OSBP2: variants seen among roughly 807,000 people sequenced by gnomAD.
OSBP2 encodes the protein oxysterol binding protein 2.
Under a neutral mutation model 96.0 loss-of-function variants are expected in OSBP2, and 66 were observed. The observed-to-expected ratio is 0.69, with a 90% CI of 0.56 to 0.84. OSBP2 has a LOEUF of 0.84. OSBP2 is among the 40% of genes least tolerant of loss of function. The pLI, the probability that OSBP2 is intolerant of heterozygous loss-of-function variation, is 0.00. For synonymous variants in OSBP2, 525 were observed against 520.9 expected (o/e 1.01, Z -0.11); for missense variants, 1,038 against 1,222.7 (o/e 0.85, Z 2.25).
chr22:30,727,894 C>A (rs909306176), intron 1 of OSBP2, among the ~76,000 whole-genome samples: 1 of 151,730 alleles, frequency 6.6e-6, no homozygotes. Context: ...ATCACAAGGT[C>A]AAGAGATCAA....
Position 30,890,282 on chromosome 22 carries a change from G to GAGAT in OSBP2, c.1624-443_1624-440dup. On this transcript the variant is annotated intron_variant, in intron 7 of 13. Transcript: ENST00000332585. This position sits in a 1 kb window ranked among gnomAD's most constrained non-coding sequence, Gnocchi z 4.4. ...GAGTGACCCTGCCCTATGTGACACC[G>GAGAT]AGATAGGGGCCTTGGGCCTAACCCA... Among the ~76,000 whole-genome samples, 1 of 152,098 alleles carries GAGAT rather than the reference G, an allele frequency of 6.6e-6. No homozygotes were observed. The highest frequency in any genetic ancestry group is 2.4e-5 in the African/African-American group (1 of 41,406).
At chr22:30,889,384 A>G (rs957953227) in intron 6 of OSBP2, 106 bp from the exon 7 acceptor site, 2 of 1,458,952 alleles carry the variant, frequency 1.4e-6, no homozygotes, top group African/African-American at 1.4e-5. Flanking sequence ...GCAGCGTACC[A>G]GTGGCCGGCT....
At chr22:30,772,964 T>G (rs2145792863) in intron 2 of OSBP2, among the ~76,000 whole-genome samples, 1 of 151,596 alleles carries the variant, frequency 6.6e-6, no homozygotes, top group East Asian at 1.9e-4. Context: ...CGGCTAATTT[T>G]TGTATTTTTA....
chr22:30,894,864 A>G (rs934227500), intron 12 of OSBP2, among the ~76,000 whole-genome samples: 2 of 152,196 alleles, frequency 1.3e-5, no homozygotes, highest in South Asian at 4.1e-4. Context: ...GCCTAGAATT[A>G]TACACCCAGG....
intron 12 of OSBP2, among the ~76,000 whole-genome samples, chr22:30,895,493 C>T (rs2040043318): frequency 6.6e-6 from 1 of 152,116 alleles, no homozygotes; most frequent in Non-Finnish European, 1.5e-5. Flanking sequence ...AATTAGACAT[C>T]AGATTTTTCA....
At chr22:30,819,048 C>T (rs1389136669) in intron 2 of OSBP2, among the ~76,000 whole-genome samples, 1 of 152,212 alleles carries the variant, frequency 6.6e-6, no homozygotes, top group East Asian at 1.9e-4. Context: ...CAAAAGACAC[C>T]CGTGGGCCAG....
intron 2 of OSBP2, among the ~76,000 whole-genome samples, chr22:30,856,458 C>T (rs1569152121): frequency 7.0e-6 from 1 of 143,800 alleles, no homozygotes; most frequent in Non-Finnish European, 1.5e-5. Flanking sequence ...ATGATGTCAG[C>T]TCACTGAAAC....
intron 2 of OSBP2, among the ~76,000 whole-genome samples, chr22:30,795,129 T>G (rs2090738820): frequency 6.6e-6 from 1 of 151,970 alleles, no homozygotes; most frequent in Non-Finnish European, 1.5e-5. Context: ...CAGGCTGGTC[T>G]TGAGCACCTG....
At chr22:30,892,830 C>T (rs1692201385) in intron 8 of OSBP2, among the ~76,000 whole-genome samples, 1 of 152,154 alleles carries the variant, frequency 6.6e-6, no homozygotes, top group African/African-American at 2.4e-5. Flanking sequence ...GCCCTCAGTG[C>T]ACCTGTCACA....
intron 2 of OSBP2, among the ~76,000 whole-genome samples, chr22:30,867,045 G>A (rs1045887556): frequency 1.3e-5 from 2 of 152,168 alleles, no homozygotes; most frequent in Non-Finnish European, 2.9e-5. Context: ...ACCTTCCCTT[G>A]AGGGGTGGTG....
At chr22:30,729,968 T>G (rs13054584) in intron 1 of OSBP2, among the ~76,000 whole-genome samples, 8 of 149,676 alleles carry the variant, frequency 5.3e-5, no homozygotes, top group South Asian at 2.1e-4. Context: ...TTTTTTGGGG[T>G]TTTTTTTTGA....
At chr22:30,699,994 G>T (rs78195961) in intron 1 of OSBP2, among the ~76,000 whole-genome samples, 3 of 146,052 alleles carry the variant, frequency 2.1e-5, no homozygotes, top group East Asian at 4.0e-4. Flanking sequence ...ATGGAGTCTC[G>T]TTCTGTCACC....
intron 2 of OSBP2, among the ~76,000 whole-genome samples, chr22:30,835,770 G>A (rs1411312463): frequency 6.8e-6 from 1 of 147,980 alleles, no homozygotes; most frequent in Non-Finnish European, 1.5e-5. Context: ...TGCCTGGAGT[G>A]CAGTGGCATG....
intron 1 of OSBP2, among the ~76,000 whole-genome samples, chr22:30,736,039 G>A (rs933658120): frequency 9.2e-5 from 14 of 151,776 alleles, no homozygotes; most frequent in Non-Finnish European, 2.1e-4. Context: ...TCAGCCTCCC[G>A]AGTAGCTGGA....
At chr22:30,838,022 C>T (rs5997780) in intron 2 of OSBP2, among the ~76,000 whole-genome samples, 45,659 of 152,026 alleles carry the variant, frequency 0.3, 7,103 homozygotes, top group Middle Eastern at 0.42. Flanking sequence ...TTTTCAGCCC[C>T]GAGGTACATA....
intron 2 of OSBP2, among the ~76,000 whole-genome samples, chr22:30,776,011 G>A (rs2090430262): frequency 1.3e-5 from 2 of 151,948 alleles, no homozygotes; most frequent in Non-Finnish European, 2.9e-5. Flanking sequence ...GTCCAGGCTG[G>A]TCTTGAACTC....
chr22:30,852,715 A>G (rs1297742589), intron 2 of OSBP2, among the ~76,000 whole-genome samples: 1 of 152,088 alleles, frequency 6.6e-6, no homozygotes, highest in Admixed American at 6.5e-5. Context: ...CTTAATGTAG[A>G]GGCTTGGATT....
At chr22:30,763,033 T>A (rs1413611111) in intron 2 of OSBP2, among the ~76,000 whole-genome samples, 1 of 152,224 alleles carries the variant, frequency 6.6e-6, no homozygotes, top group Non-Finnish European at 1.5e-5. Context: ...ACCCACTGTG[T>A]GACCTTGGAC....
chr22:30,858,298 C>T (rs966557376), intron 2 of OSBP2, among the ~76,000 whole-genome samples: 4 of 151,092 alleles, frequency 2.6e-5, no homozygotes, highest in African/African-American at 7.3e-5. Context: ...AGGCGCCCGC[C>T]ACCGCGCCCG....
Sources: allele counts gnomAD v4.1 joint callset (sites outside exome capture counted in the v4.1 genomes callset), GRCh38; gene constraint gnomAD v4.1.1; non-coding constraint Gnocchi (gnomAD v3.1); transcripts MANE v1.5; gene names NCBI Gene and HGNC (gene_info 2026-07-23, HGNC 2026-07-21).